The following KRTAP1-3 variants were observed in gnomAD, a reference collection of about 807,000 sequenced individuals.
KRTAP1-3 encodes the protein keratin associated protein 1-3.
A neutral mutation model predicts 11.8 loss-of-function variants in KRTAP1-3; 10 were observed. The observed-to-expected ratio is 0.85, with a 90% CI of 0.52 to 1.44. The LOEUF is 1.44. KRTAP1-3 is among the 40% of genes most tolerant of loss of function. The pLI is 0.00. For synonymous variants in KRTAP1-3, 74 were observed against 77.3 expected (o/e 0.96, Z 0.23); for missense variants, 176 against 217.2 (o/e 0.81, Z 1.19).
At position 41,034,262 on chromosome 17, in the gene KRTAP1-3, G is replaced by C. The variant is rs1317099112; in HGVS notation, c.*56C>G. The C allele has an allele frequency of 6.6e-7, 1 of 1,516,198 alleles. No individual in the cohort carries two copies. Among genetic ancestry groups the C allele is most frequent in the South Asian group, 1.3e-5 (1 of 75,426 alleles). 93.9% of individuals were successfully genotyped at this position (1,516,198 alleles called of 1,614,324 possible). The stretch of plus-strand genomic sequence containing the variant: ...CCATAAGTGCTTGAAGAAATAATTC[G>C]TTCATGAATGGAACTGAAAGTGGAA... On this transcript the variant is annotated 3_prime_UTR_variant, in exon 1 of 1. Transcript: ENST00000344363.
chr17:41,034,521 C>A lies in KRTAP1-3; in HGVS notation c.301G>T (p.Ala101Ser), dbSNP rs1227652973. 3 of 1,611,692 alleles carry A rather than the reference C, an allele frequency of 1.9e-6. No individual in the cohort carries two copies. In the African/African-American group the frequency reaches 4.0e-5, roughly 22 times the overall value. ...IGYGQEGSSGAVSTRIRWCRP... is the reference protein window; with the variant it reads ...IGYGQEGSSGSVSTRIRWCRP... Reference sequence around the variant, plus strand: ...CACCACCTGATACGGGTGCTCACAGCTCCACTGCTGCCCTCCTGGCCATAG... The same window carrying A: ...CACCACCTGATACGGGTGCTCACAGATCCACTGCTGCCCTCCTGGCCATAG... Residue 101 changes from alanine (A) to serine (S), a missense_variant, in exon 1 of 1, where the codon GCT becomes TCT. Transcript: ENST00000344363.
At position 41,034,239 on chromosome 17, in the gene KRTAP1-3, A is replaced by G. The variant is rs765159603; in HGVS notation, c.*79T>C. The stretch of plus-strand genomic sequence containing the variant: ...AGGTTGAAGAATTTGTTCGTTGTCC[A>G]TAAGTGCTTGAAGAAATAATTCGTT... On this transcript the variant is annotated 3_prime_UTR_variant, in exon 1 of 1. Coordinates refer to ENST00000344363, the MANE Select transcript of KRTAP1-3 (RefSeq NM_030966.2). The G allele has an allele frequency of 3.1e-5, 46 of 1,497,190 alleles. No individual in the cohort carries two copies. The highest frequency in any genetic ancestry group is 3.8e-5 in the Non-Finnish European group (42 of 1,117,768). 92.7% of individuals were successfully genotyped at this position (1,497,190 alleles called of 1,614,324 possible).
Position 41,034,460 on chromosome 17 carries a change from G to A in KRTAP1-3, c.362C>T (p.Pro121Leu). The A allele has an allele frequency of 6.2e-7, 1 of 1,613,676 alleles. No individual in the cohort carries two copies. Among genetic ancestry groups the A allele is most frequent in the South Asian group, 1.1e-5 (1 of 91,054 alleles). Residue 121 changes from proline (P) to leucine (L), a missense_variant, in exon 1 of 1, where the codon CCC becomes CTC. By Grantham distance (98) the Pro-to-Leu change is moderately conservative. Transcript: ENST00000344363. ...PDCRVEGTCL[P>L]PCCVVSCTPP... Reference sequence around the variant, plus strand: ...TGTGCAGCTCACCACACAGCAGGGGGGCAGGCAGGTACCCTCCACACGGCA... The same window carrying A: ...TGTGCAGCTCACCACACAGCAGGGGAGCAGGCAGGTACCCTCCACACGGCA...
rs754223727 is a variant in KRTAP1-3, at chr17:41,034,842, A to T, written c.-21T>A. ...GTCATGGTGTTGGGAGCTGGTATGA[A>T]GTCTGGGTTGCTTGGAGGAGTTTCT... On this transcript the variant is annotated 5_prime_UTR_variant, in exon 1 of 1. Transcript: ENST00000344363. 39 of 1,611,848 alleles carry T rather than the reference A, an allele frequency of 2.4e-5. 1 individual carries two copies. The highest frequency in any genetic ancestry group is 2.4e-5 in the Non-Finnish European group (28 of 1,178,276).
chr17:41,034,127 A>T lies in KRTAP1-3; in HGVS notation c.*191T>A. 1 of 769,838 alleles carries T rather than the reference A, an allele frequency of 1.3e-6. No individual in the cohort carries two copies. The highest frequency in any genetic ancestry group is 1.9e-6 in the Non-Finnish European group (1 of 513,932). The allele number at this position is 769,838 out of a possible 1,614,324, so 47.7% of individuals were successfully genotyped here. ...AATTTGTATTTTGGCGTCCTCAGAG[A>T]GAAGAGTAAGGTCTTTCTGGAATTG... is the stretch of plus-strand genomic sequence containing the variant. On this transcript the variant is annotated 3_prime_UTR_variant, in exon 1 of 1. Coordinates refer to ENST00000344363, the MANE Select transcript of KRTAP1-3 (RefSeq NM_030966.2).
At position 41,034,405 on chromosome 17, in the gene KRTAP1-3, G is replaced by A. The variant is rs377747372; in HGVS notation, c.417C>T (p.Ala139=). ...AGGATGGGCGGCAGCAGGAGGCCTC[G>A]GCGTGGTGCAGCTGGCAGCAGGTTG... ...TPPTCCQLHH[A]EASCCRPSYC... is the part of the protein sequence containing the mutation. The change falls in exon 1 of 1, where the codon GCC becomes GCT. Residue 139 remains alanine (A), a synonymous_variant. Transcript: ENST00000344363. 486 of 1,613,286 alleles carry A rather than the reference G, an allele frequency of 3.0e-4. No individual in the cohort carries two copies. Among genetic ancestry groups the A allele is most frequent in the Admixed American group, 4.5e-4 (27 of 59,982 alleles).
chr17:41,034,390 G>A lies in KRTAP1-3; in HGVS notation c.432C>T (p.Cys144=). The change falls in exon 1 of 1, where the codon TGC becomes TGT. Residue 144 remains cysteine, a synonymous_variant. Coordinates refer to ENST00000344363, the MANE Select transcript of KRTAP1-3 (RefSeq NM_030966.2). ...CQLHHAEASC[C]RPSYCGQSCC... is the part of the protein sequence containing the mutation. Reference sequence around the variant, plus strand: ...AGGACTGTCCACAGTAGGATGGGCGGCAGCAGGAGGCCTCGGCGTGGTGCA... The same window carrying A: ...AGGACTGTCCACAGTAGGATGGGCGACAGCAGGAGGCCTCGGCGTGGTGCA... The A allele has an allele frequency of 4.3e-6, 7 of 1,612,602 alleles. No individual in the cohort carries two copies. The highest frequency in any genetic ancestry group is 5.1e-6 in the Non-Finnish European group (6 of 1,179,186).
rs1270877844 is a variant in KRTAP1-3 at position 41,034,421 on chromosome 17, C to A, written c.401G>T (p.Cys134Phe). ...GGAGGCCTCGGCGTGGTGCAGCTGG[C>A]AGCAGGTTGGGGGTGTGCAGCTCAC... ...CVVSCTPPTC[C>F]QLHHAEASCC... is the part of the protein sequence containing the mutation. Residue 134 changes from cysteine (C) to phenylalanine (F), a missense_variant, in exon 1 of 1, where the codon TGC (cysteine) becomes TTC (phenylalanine). Transcript: ENST00000344363. The A allele has an allele frequency of 2.5e-6, 4 of 1,613,686 alleles. No individual in the cohort carries two copies. The highest frequency in any genetic ancestry group is 3.4e-6 in the Non-Finnish European group (4 of 1,179,886).
rs374827876 is a variant in KRTAP1-3 at position 41,034,509 on chromosome 17, G to A, written c.313C>T (p.Arg105Cys). ...CAGTCTGGGCGGCACCACCTGATAC[G>A]GGTGCTCACAGCTCCACTGCTGCCC... is the stretch of plus-strand genomic sequence containing the variant. ...QEGSSGAVST[R>C]IRWCRPDCRV... is the part of the protein sequence containing the mutation. The change falls in exon 1 of 1, where the codon CGT (arginine) becomes TGT (cysteine). Residue 105 changes from arginine to cysteine, a missense_variant. Transcript: ENST00000344363. 14 of 1,612,064 alleles carry A rather than the reference G, an allele frequency of 8.7e-6. No homozygotes were observed. Among genetic ancestry groups the A allele is most frequent in the African/African-American group, 4.0e-5 (3 of 74,410 alleles).
chr17:41,034,829 G>A lies in KRTAP1-3; in HGVS notation c.-8C>T. ...GGTCTGGCAGCAGGTCATGGTGTTG[G>A]GAGCTGGTATGAAGTCTGGGTTGCT... is the stretch of plus-strand genomic sequence containing the variant. On this transcript the variant is annotated 5_prime_UTR_variant, in exon 1 of 1. Transcript: ENST00000344363. 3 of 1,613,940 alleles carry A rather than the reference G, an allele frequency of 1.9e-6. No homozygotes were observed. Among genetic ancestry groups the A allele is most frequent in the Non-Finnish European group, 2.5e-6 (3 of 1,179,866 alleles).
rs2012521221 is a variant in KRTAP1-3, at chr17:41,034,522, T to C, written c.300A>G (p.Gly100=). The change falls in exon 1 of 1, where the codon GGA becomes GGG. Residue 100 remains glycine, a synonymous_variant. Coordinates refer to ENST00000344363, the MANE Select transcript of KRTAP1-3 (RefSeq NM_030966.2). ...GIGYGQEGSS[G]AVSTRIRWCR... ...ACCACCTGATACGGGTGCTCACAGCTCCACTGCTGCCCTCCTGGCCATAGC... is the reference window on the plus strand; with the variant it reads ...ACCACCTGATACGGGTGCTCACAGCCCCACTGCTGCCCTCCTGGCCATAGC... The C allele has an allele frequency of 1.2e-6, 2 of 1,611,170 alleles. No homozygotes were observed. The highest frequency in any genetic ancestry group is 1.7e-6 in the Non-Finnish European group (2 of 1,179,588).
At position 41,034,156 on chromosome 17, in the gene KRTAP1-3, G is replaced by A. The variant is rs1193582764; in HGVS notation, c.*162C>T. On this transcript the variant is annotated 3_prime_UTR_variant, in exon 1 of 1. Coordinates refer to ENST00000344363, the MANE Select transcript of KRTAP1-3 (RefSeq NM_030966.2). ...GAGTAAGGTCTTTCTGGAATTGAAA[G>A]GAATCAGATAATTCTGAGGCCAAAA... is the stretch of plus-strand genomic sequence containing the variant. The A allele has an allele frequency of 5.3e-6, 5 of 935,032 alleles. No homozygotes were observed. The highest frequency in any genetic ancestry group is 3.3e-5 in the Admixed American group (1 of 30,670). 57.9% of individuals were successfully genotyped at this position (935,032 alleles called of 1,614,324 possible).
chr17:41,034,308 A>C lies in KRTAP1-3; in HGVS notation c.*10T>G, dbSNP rs370646562. On this transcript the variant is annotated 3_prime_UTR_variant, in exon 1 of 1. Transcript: ENST00000344363. Reference sequence around the variant, plus strand: ...TGGAAATTTCAAGTTGAAAATCAGCAAACTGGCTTTTAGCAGGTGGGCTCA... The same window carrying C: ...TGGAAATTTCAAGTTGAAAATCAGCCAACTGGCTTTTAGCAGGTGGGCTCA... 1.8e-4 allele frequency: 269 copies of C among 1,536,358 alleles called. No individual in the cohort carries two copies. The highest frequency in any genetic ancestry group is 2.3e-4 in the Non-Finnish European group (257 of 1,142,080).
Position 41,034,585 on chromosome 17 carries a change from G to A in KRTAP1-3, c.237C>T (p.Ser79=). The A allele has an allele frequency of 6.2e-7, 1 of 1,613,346 alleles. No individual in the cohort carries two copies. Among genetic ancestry groups the A allele is most frequent in the Non-Finnish European group, 8.5e-7 (1 of 1,179,948 alleles). ...CAATGCCACAGCCAGTTCCGCAGGAGCTGGTCTGGCAGCAGCTTGGCTGGC... is the reference window on the plus strand; with the variant it reads ...CAATGCCACAGCCAGTTCCGCAGGAACTGGTCTGGCAGCAGCTTGGCTGGC... ...SCCQPSCCQT[S]SCGTGCGIGG... is the part of the protein sequence containing the mutation. The change falls in exon 1 of 1, where the codon AGC becomes AGT. Residue 79 remains serine (S), a synonymous_variant. Transcript: ENST00000344363.
At position 41,034,320 on chromosome 17, in the gene KRTAP1-3, A is replaced by C. The variant is rs775640834; in HGVS notation, c.502T>G (p.Ter168GluextTer5). 1 of 1,547,496 alleles carries C rather than the reference A, an allele frequency of 6.5e-7. No individual in the cohort carries two copies. Among genetic ancestry groups the C allele is most frequent in the East Asian group, 2.3e-5 (1 of 44,058 alleles). Residue 168 changes from the stop codon to glutamate, a stop_lost, in exon 1 of 1, where the codon TAA becomes GAA. Coordinates refer to ENST00000344363, the MANE Select transcript of KRTAP1-3 (RefSeq NM_030966.2). ...GTTGAAAATCAGCAAACTGGCTTTTAGCAGGTGGGCTCACAGGAGTAGCAG... is the reference window on the plus strand; with the variant it reads ...GTTGAAAATCAGCAAACTGGCTTTTCGCAGGTGGGCTCACAGGAGTAGCAG... ...CCCYSCEPTC[*>E]
chr17:41,034,117 G>C lies in KRTAP1-3; in HGVS notation c.*201C>G. 1.4e-6 allele frequency: 1 copy of C among 709,848 alleles called. No homozygotes were observed. Among genetic ancestry groups the C allele is most frequent in the Non-Finnish European group, 2.1e-6 (1 of 466,354 alleles). 44.0% of individuals were successfully genotyped at this position (709,848 alleles called of 1,614,324 possible). The stretch of plus-strand genomic sequence containing the variant: ...TCTTGGGTCAAATTTGTATTTTGGC[G>C]TCCTCAGAGAGAAGAGTAAGGTCTT... On this transcript the variant is annotated 3_prime_UTR_variant, in exon 1 of 1. Coordinates refer to ENST00000344363, the MANE Select transcript of KRTAP1-3 (RefSeq NM_030966.2).
rs569424327 is a variant in KRTAP1-3, at chr17:41,034,781, C to G, written c.41G>C (p.Cys14Ser). The change falls in exon 1 of 1, where the codon TGC becomes TCC. Residue 14 changes from cysteine (C) to serine (S), a missense_variant. Cys to Ser is a moderately radical substitution (Grantham distance 112). Transcript: ENST00000344363. Reference protein sequence around the residue: ...CQTSFCGYPSCSTSGTCGSSC... With the variant: ...CQTSFCGYPSSSTSGTCGSSC... ...GGAGCCGCATGTCCCACTGGTGGAG[C>G]AGCTGGGATATCCACAGAAGCTGGT... 4.3e-5 allele frequency: 70 copies of G among 1,612,230 alleles called. No homozygotes were observed. The highest frequency in any genetic ancestry group is 2.7e-4 in the Admixed American group (16 of 59,808).
In KRTAP1-3 at chr17:41,034,324, G is replaced by C. The variant is rs550716589; in HGVS notation, c.498C>G (p.Thr166=). ...PVCCCYSCEP[T]C is the part of the protein sequence containing the mutation. ...AAAATCAGCAAACTGGCTTTTAGCA[G>C]GTGGGCTCACAGGAGTAGCAGCAGC... is the stretch of plus-strand genomic sequence containing the variant. The change falls in exon 1 of 1, where the codon ACC becomes ACG. Residue 166 remains threonine (T), a synonymous_variant. Transcript: ENST00000344363. 311 of 1,555,370 alleles carry C rather than the reference G, an allele frequency of 2.0e-4. 6 individuals are homozygous for C. In the South Asian group the frequency reaches 3.7e-3, roughly 19 times the overall value.
In KRTAP1-3 at chr17:41,034,276, C is replaced by A; in HGVS notation, c.*42G>T. ...AGAAATAATTCGTTCATGAATGGAA[C>A]TGAAAGTGGAAATTTCAAGTTGAAA... On this transcript the variant is annotated 3_prime_UTR_variant, in exon 1 of 1. Transcript: ENST00000344363. 6.6e-7 allele frequency: 1 copy of A among 1,525,876 alleles called. No homozygotes were observed. Among genetic ancestry groups the A allele is most frequent in the South Asian group, 1.3e-5 (1 of 76,198 alleles). 94.5% of individuals were successfully genotyped at this position (1,525,876 alleles called of 1,614,324 possible).
Sources: allele counts gnomAD v4.1 joint callset, GRCh38; gene constraint gnomAD v4.1.1; transcripts MANE v1.5; gene names NCBI Gene and HGNC (gene_info 2026-07-23, HGNC 2026-07-21).